CDH23: variants seen among roughly 807,000 people sequenced by gnomAD.
CDH23 encodes cadherin-23.
CDH23 carries 189 observed loss-of-function variants against 317.1 expected under a neutral mutation model. That is an observed-to-expected ratio of 0.60 (90% confidence interval 0.53 to 0.67). CDH23 has a LOEUF of 0.67. Among genes scored for constraint, CDH23 ranks in the 30% least tolerant of loss-of-function variants. The probability of loss-of-function intolerance (pLI) is 0.00; values close to 1 mark genes in which losing one functional copy is unlikely to be tolerated. For missense variants in CDH23, 4,401 were observed against 4,592.4 expected (o/e 0.96, Z 1.20); for synonymous variants, 1,839 against 1,876.8 (o/e 0.98, Z 0.52).
At chr10:71,620,601 T>C (rs1305261310) in intron 11 of CDH23, among the ~76,000 whole-genome samples, 1 of 152,172 alleles carries the variant, frequency 6.6e-6, no homozygotes, top group Non-Finnish European at 1.5e-5. Flanking sequence ...GCACACCCGC[T>C]GCAGTCAGGG....
chr10:71,760,046 C>T lies in CDH23; in HGVS notation c.4846-17634C>T, dbSNP rs200088779. Among the ~76,000 whole-genome samples, 51 of 79,498 alleles carry T rather than the reference C, an allele frequency of 6.4e-4. 9 individuals carry two copies. Among genetic ancestry groups the T allele is most frequent in the African/African-American group, 1.3e-3 (32 of 24,748 alleles). 52.2% of individuals were successfully genotyped at this position (79,498 alleles called of 152,430 possible). On this transcript the variant is annotated intron_variant, in intron 38 of 69. Coordinates refer to ENST00000224721, the MANE Select transcript of CDH23 (RefSeq NM_022124.6). ...ATATATACACACACACACATATATA[C>T]ACACACACATATATATACACACACA...
intron 3 of CDH23, among the ~76,000 whole-genome samples, chr10:71,487,366 A>T (rs1852406291): frequency 6.6e-6 from 1 of 152,132 alleles, no homozygotes; most frequent in Non-Finnish European, 1.5e-5. Context: ...ACTCCCTGAG[A>T]ACTTAGCCCA....
intron 6 of CDH23, among the ~76,000 whole-genome samples, chr10:71,519,424 G>A (rs539075014): frequency 2.0e-5 from 3 of 152,386 alleles, no homozygotes; most frequent in South Asian, 4.1e-4. Flanking sequence ...TCTTCTGCCT[G>A]TATGCCTTTT....
chr10:71,465,190 G>C (rs185003781), intron 3 of CDH23, among the ~76,000 whole-genome samples: 117 of 152,344 alleles, frequency 7.7e-4, no homozygotes, highest in Non-Finnish European at 9.1e-4. Flanking sequence ...GTGTTGAGTG[G>C]TTACTGTATT....
chr10:71,581,832 C>A (rs998399709), intron 9 of CDH23, among the ~76,000 whole-genome samples: 2 of 152,214 alleles, frequency 1.3e-5, no homozygotes, highest in Admixed American at 6.5e-5. Context: ...TCAACAGACA[C>A]CCCCTCTGGC....
At chr10:71,626,011 TA>T (rs1861717743) in intron 11 of CDH23, among the ~76,000 whole-genome samples, 1 of 152,200 alleles carries the variant, frequency 6.6e-6, no homozygotes, top group African/African-American at 2.4e-5. Flanking sequence ...AATCTCAAAA[TA>T]CCATTTACGC....
At chr10:71,768,205 C>T (rs1840601296) in intron 38 of CDH23, among the ~76,000 whole-genome samples, 1 of 152,184 alleles carries the variant, frequency 6.6e-6, no homozygotes, top group African/African-American at 2.4e-5. Flanking sequence ...GAGTCTCGCT[C>T]TGTTGCCCAG....
At chr10:71,729,238 G>A (rs941054931) in intron 30 of CDH23, among the ~76,000 whole-genome samples, 25 of 152,200 alleles carry the variant, frequency 1.6e-4, no homozygotes, top group Admixed American at 1.1e-3. Flanking sequence ...GTGCGTAATT[G>A]CACAATTCAG....
Position 71,577,993 on chromosome 10 carries a change from G to A in CDH23, c.832+1G>A. ...GGCATTGGCTACACCATCGTTTCAG[G>A]TAAGACAGAAGGCTGCCCCTCTCTC... On this transcript the variant is annotated splice_donor_variant, in intron 9 of 69. Transcript: ENST00000224721. LOFTEE classifies it high-confidence loss of function. The A allele has an allele frequency of 1.9e-6, 3 of 1,594,656 alleles. No homozygotes were observed. The highest frequency in any genetic ancestry group is 2.3e-5 in the East Asian group (1 of 43,952).
chr10:71,588,237 G>A (rs923588834), intron 9 of CDH23, among the ~76,000 whole-genome samples: 2 of 152,248 alleles, frequency 1.3e-5, no homozygotes, highest in East Asian at 1.9e-4. Context: ...CAGCGTGTCC[G>A]TGTCATCAGT....
chr10:71,702,558 C>T lies in CDH23; in HGVS notation c.2597C>T (p.Pro866Leu), dbSNP rs1865632392. 6.2e-7 allele frequency: 1 copy of T among 1,613,958 alleles called. No individual in the cohort carries two copies. The highest frequency in any genetic ancestry group is 8.5e-7 in the Non-Finnish European group (1 of 1,179,880). Residue 866 changes from proline (P) to leucine (L), a missense_variant, in exon 24 of 70, where the codon CCC becomes CTC. Pro to Leu is a moderately conservative substitution (Grantham distance 98). Around this residue, in one of 3 missense-constraint regions of CDH23, gnomAD observed 3,068 missense variants for 3,203.3 expected, o/e 0.96. Transcript: ENST00000224721. ...GCCCTGGTCTTCCCAGGTGGCAGGC[C>T]CCCTCTGAAAGCCACCAGCAGTGCC... Reference protein sequence around the residue: ...IVVSVTDCGRPPLKATSSATV... With the variant: ...IVVSVTDCGRLPLKATSSATV...
chr10:71,551,562 G>T (rs1302517560), intron 6 of CDH23, among the ~76,000 whole-genome samples: 5 of 152,154 alleles, frequency 3.3e-5, no homozygotes, highest in African/African-American at 1.2e-4. Flanking sequence ...AGGCTAGTTT[G>T]TTTCTTGGTC....
intron 14 of CDH23, among the ~76,000 whole-genome samples, chr10:71,670,723 G>A (rs1864108861): frequency 6.6e-6 from 1 of 152,206 alleles, no homozygotes; most frequent in Admixed American, 6.5e-5. Context: ...GCAGATCATA[G>A]GGAGCCATTG....
intron 11 of CDH23, among the ~76,000 whole-genome samples, chr10:71,627,602 G>A (rs116086765): frequency 1.5e-3 from 232 of 152,244 alleles, no homozygotes; most frequent in African/African-American, 5.3e-3. Flanking sequence ...TGTGGCAGCC[G>A]CGGTACCAGT....
At chr10:71,531,346 C>T (rs1855365340) in intron 6 of CDH23, among the ~76,000 whole-genome samples, 1 of 152,214 alleles carries the variant, frequency 6.6e-6, no homozygotes, top group Non-Finnish European at 1.5e-5. Flanking sequence ...CCCCTCATTC[C>T]CTGCATAAGG....
At chr10:71,752,154 C>A in intron 38 of CDH23, 1 of 573,866 alleles carries the variant, frequency 1.7e-6, no homozygotes, top group South Asian at 1.6e-5. Context: ...AAATCACAGA[C>A]ACTTCTAGAA....
At position 71,645,910 on chromosome 10, in the gene CDH23, G is replaced by A. The variant is rs2132594910; in HGVS notation, c.1220G>A (p.Gly407Glu). Reference sequence around the variant, plus strand: ...ATCATCTCCCCGACCTCCGTCCAGGGGAAGGCGGACATTCGTATTCGGGTG... The same window carrying A: ...ATCATCTCCCCGACCTCCGTCCAGGAGAAGGCGGACATTCGTATTCGGGTG... ...HFIISPTSVQ[G>E]KADIRIRVAI... Residue 407 changes from glycine (G) to glutamate (E), a missense_variant, in exon 13 of 70, where the codon GGG (glycine) becomes GAG (glutamate). Physicochemically the swap from Gly to Glu is moderately conservative, Grantham distance 98 (BLOSUM62 -2). This residue lies in a region of CDH23 where 3,068 missense variants were observed against 3,203.3 expected (regional missense o/e 0.96). Coordinates refer to ENST00000224721, the MANE Select transcript of CDH23 (RefSeq NM_022124.6). 1.2e-6 allele frequency: 2 copies of A among 1,613,658 alleles called. No homozygotes were observed. Among genetic ancestry groups the A allele is most frequent in the African/African-American group, 1.3e-5 (1 of 75,028 alleles).
At chr10:71,706,099 A>C (rs1162090322) in intron 25 of CDH23, among the ~76,000 whole-genome samples, 1 of 152,154 alleles carries the variant, frequency 6.6e-6, no homozygotes, top group African/African-American at 2.4e-5. Context: ...GCCTTTCTCC[A>C]AGACTCAGCA....
intron 6 of CDH23, among the ~76,000 whole-genome samples, chr10:71,534,368 A>G (rs1855581330): frequency 6.6e-6 from 1 of 152,112 alleles, no homozygotes; most frequent in South Asian, 2.1e-4. Context: ...GGCTGCCCCT[A>G]GCAACCACCA....
Sources: allele counts gnomAD v4.1 joint callset (sites outside exome capture counted in the v4.1 genomes callset), GRCh38; gene constraint gnomAD v4.1.1; regional missense constraint gnomAD v4.1.1; transcripts MANE v1.5; gene names NCBI Gene and HGNC (gene_info 2026-07-23, HGNC 2026-07-21).